Variants in DDAH1 observed in about 807,000 individuals in gnomAD.
The protein encoded by DDAH1 is dimethylarginine dimethylaminohydrolase 1.
In DDAH1, 19 loss-of-function variants were observed where a neutral mutation model predicts 28.8. The ratio of observed to expected loss-of-function variants is 0.66; its 90% CI spans 0.46 to 0.97. The LOEUF is 0.97. DDAH1 is among the 50% of genes least tolerant of loss of function. DDAH1 has a pLI of 0.00. For missense variants in DDAH1, 326 were observed against 375.9 expected, an observed-to-expected ratio of 0.87 and a Z score of 1.10; for synonymous variants, 153 against 154.4, an observed-to-expected ratio of 0.99 and a Z score of 0.07.
At chr1:85,498,841 G>C (rs1656693645) in intron 1 of DDAH1, among the ~76,000 whole-genome samples, 1 of 152,162 alleles carries the variant, frequency 6.6e-6, no homozygotes, top group South Asian at 2.1e-4. Flanking sequence ...AGAACCGCTT[G>C]AACCCAGGAG....
rs144894402 is a variant in DDAH1 at position 85,557,640 on chromosome 1, C to T, written c.-123+20344G>A. Among the ~76,000 whole-genome samples, 68 of 152,224 alleles carry T rather than the reference C, an allele frequency of 4.5e-4. 2 individuals are homozygous for T. In the East Asian group the frequency reaches 0.011, roughly 24 times the overall value. ...TGTTATGGGCTAAATTGTGTCTCCC[C>T]GACCCCAAATTCATATATTAGAGTC... On this transcript the variant is annotated intron_variant, in intron 1 of 6. Transcript: ENST00000426972.
At chr1:85,485,829 T>C (rs1656185739) in intron 2 of DDAH1, among the ~76,000 whole-genome samples, 1 of 152,144 alleles carries the variant, frequency 6.6e-6, no homozygotes, top group Non-Finnish European at 1.5e-5. Flanking sequence ...GTTCAAGCAT[T>C]TATTTTGTCT....
At chr1:85,559,419 C>T (rs988633283) in intron 1 of DDAH1, among the ~76,000 whole-genome samples, 6 of 152,110 alleles carry the variant, frequency 3.9e-5, no homozygotes. Context: ...CCCAACTCAA[C>T]AACATAATAG....
intron 1 of DDAH1, among the ~76,000 whole-genome samples, chr1:85,392,570 G>A (rs574014988): frequency 7.0e-4 from 107 of 152,100 alleles, no homozygotes; most frequent in Non-Finnish European, 1.1e-3. Context: ...TGAGGCGGGC[G>A]GATCACGAGG....
At chr1:85,547,513 A>G (rs979916705) in intron 1 of DDAH1, among the ~76,000 whole-genome samples, 1 of 152,188 alleles carries the variant, frequency 6.6e-6, no homozygotes, top group African/African-American at 2.4e-5. Context: ...ATACTCTCCC[A>G]CATTGATTTT....
upstream of DDAH1, among the ~76,000 whole-genome samples, chr1:85,468,769 C>T (rs1187586204): frequency 2.6e-5 from 4 of 152,110 alleles, no homozygotes; most frequent in African/African-American, 9.7e-5. Flanking sequence ...CCACCCGCCT[C>T]GGCCTCCCAA....
chr1:85,340,291 C>T (rs571268597), intron 4 of DDAH1, among the ~76,000 whole-genome samples: 1 of 152,138 alleles, frequency 6.6e-6, no homozygotes, highest in Non-Finnish European at 1.5e-5. Context: ...CAGTGAAATC[C>T]AGCAACATTT....
At chr1:85,489,932 C>G (rs998659191) in intron 2 of DDAH1, among the ~76,000 whole-genome samples, 1 of 151,902 alleles carries the variant, frequency 6.6e-6, no homozygotes, top group African/African-American at 2.4e-5. Context: ...AGAAGAAAGA[C>G]AGGATTATGA....
At chr1:85,417,053 C>G (rs1652919510) in intron 1 of DDAH1, among the ~76,000 whole-genome samples, 1 of 152,170 alleles carries the variant, frequency 6.6e-6, no homozygotes, top group Non-Finnish European at 1.5e-5. Context: ...GAAGACAACA[C>G]TAGATTTTAC....
At chr1:85,321,628 G>C in intron 5 of DDAH1, 60 bp from the exon 6 acceptor site, 2 of 1,290,900 alleles carry the variant, frequency 1.5e-6, no homozygotes, top group Non-Finnish European at 2.3e-6. Flanking sequence ...ATCCTCAGAA[G>C]TGGAGAATCA....
chr1:85,322,301 A>C (rs746209881), intron 5 of DDAH1, among the ~76,000 whole-genome samples: 2 of 152,212 alleles, frequency 1.3e-5, no homozygotes, highest in African/African-American at 2.4e-5. Context: ...AAAATTTGAC[A>C]AGATATAACT....
At chr1:85,351,647 A>G in intron 2 of DDAH1, 68 bp from the exon 3 acceptor site, 2 of 1,161,726 alleles carry the variant, frequency 1.7e-6, no homozygotes, top group South Asian at 1.2e-5. Context: ...TCTTTTATCT[A>G]TAAATAATGA....
intron 1 of DDAH1, among the ~76,000 whole-genome samples, chr1:85,412,380 T>A (rs1169573510): frequency 6.6e-6 from 1 of 152,242 alleles, no homozygotes; most frequent in African/African-American, 2.4e-5. Flanking sequence ...TTCTAGCTAG[T>A]CCCTCATGGC....
intron 1 of DDAH1, among the ~76,000 whole-genome samples, chr1:85,440,268 T>C (rs1365799671): frequency 1.3e-5 from 2 of 152,260 alleles, no homozygotes; most frequent in Non-Finnish European, 2.9e-5. Context: ...CAACATGCTT[T>C]TTCCCTTAAG....
At position 85,351,504 on chromosome 1, in the gene DDAH1, A is replaced by G; in HGVS notation, c.477+2T>C. The G allele has an allele frequency of 2.5e-6, 4 of 1,613,454 alleles. No homozygotes were observed. Among genetic ancestry groups the G allele is most frequent in the Non-Finnish European group, 3.4e-6 (4 of 1,179,436 alleles). ...GCCAGGCATAAACTACCTTTTACCT[A>G]CCTTAAAAGTATCAGCCAAGATTTC... On this transcript the variant is annotated splice_donor_variant, in intron 3 of 5. Transcript: ENST00000284031. LOFTEE classifies it high-confidence loss of function.
At chr1:85,574,171 C>T (rs989966097) in intron 1 of DDAH1, among the ~76,000 whole-genome samples, 2 of 152,224 alleles carry the variant, frequency 1.3e-5, no homozygotes, top group Admixed American at 6.5e-5. Flanking sequence ...TAGATGGTTC[C>T]AGTGTCCCCA....
At chr1:85,328,506 A>G (rs939362390) in intron 4 of DDAH1, among the ~76,000 whole-genome samples, 1 of 152,172 alleles carries the variant, frequency 6.6e-6, no homozygotes, top group Non-Finnish European at 1.5e-5. Context: ...ATGGGATTCC[A>G]CTATGTCTAA....
At chr1:85,527,992 G>A (rs532636675) in intron 1 of DDAH1, among the ~76,000 whole-genome samples, 3 of 152,032 alleles carry the variant, frequency 2.0e-5, no homozygotes, top group South Asian at 2.1e-4. Flanking sequence ...TAAAGCTGAA[G>A]GCATTGTTTT....
intron 1 of DDAH1, among the ~76,000 whole-genome samples, chr1:85,428,850 T>C (rs889351724): frequency 5.3e-5 from 8 of 151,974 alleles, no homozygotes; most frequent in South Asian, 2.1e-4. Context: ...CCTTCTTCTA[T>C]TGAATATGTA....
Sources: gnomAD v4.1 joint callset for allele counts (sites outside exome capture counted in the v4.1 genomes callset) on GRCh38, gnomAD v4.1.1 for gene constraint, MANE v1.5 for transcripts, NCBI Gene and HGNC (gene_info 2026-07-23, HGNC 2026-07-21) for gene names.